Variants in CPNE8 observed in about 807,000 individuals in gnomAD.
The protein encoded by CPNE8 is copine-8.
Under a neutral mutation model 81.5 loss-of-function variants are expected in CPNE8, and 45 were observed. The observed-to-expected ratio is 0.55, with a 90% CI of 0.44 to 0.71. The LOEUF (loss-of-function observed/expected upper bound fraction) is 0.71. Among genes scored for constraint, CPNE8 ranks in the 30% least tolerant of loss-of-function variants. The probability of loss-of-function intolerance (pLI) is 0.00; values close to 1 mark genes in which losing one functional copy is unlikely to be tolerated. For missense variants in CPNE8, 594 were observed against 672.1 expected, an observed-to-expected ratio of 0.88 and a Z score of 1.28; for synonymous variants, 252 against 226.3, an observed-to-expected ratio of 1.11 and a Z score of -1.02.
chr12:38,863,393 A>G (rs1446867727), intron 3 of CPNE8, among the ~76,000 whole-genome samples: 2 of 152,252 alleles, frequency 1.3e-5, no homozygotes, highest in Admixed American at 1.3e-4. Flanking sequence ...TTTGTCAGAC[A>G]TTTAACTAAA....
At chr12:38,765,937 C>A (rs1592070617) in intron 8 of CPNE8, among the ~76,000 whole-genome samples, 1 of 152,008 alleles carries the variant, frequency 6.6e-6, no homozygotes, top group Non-Finnish European at 1.5e-5. Context: ...TGGCTCACTG[C>A]AACCTCCGCC....
intron 3 of CPNE8, among the ~76,000 whole-genome samples, chr12:38,857,390 T>C (rs1943758793): frequency 6.6e-6 from 1 of 152,214 alleles, no homozygotes. Flanking sequence ...AGGATGGGAC[T>C]TTCACTTCCA....
At chr12:38,708,835 C>T (rs1349723967) in intron 13 of CPNE8, among the ~76,000 whole-genome samples, 1 of 152,150 alleles carries the variant, frequency 6.6e-6, no homozygotes, top group Non-Finnish European at 1.5e-5. Context: ...CATGTGTTTT[C>T]TACAGCTGTT....
At chr12:38,688,626 C>T (rs879724937) in intron 15 of CPNE8, among the ~76,000 whole-genome samples, 2 of 145,554 alleles carry the variant, frequency 1.4e-5, no homozygotes, top group Non-Finnish European at 3.0e-5. Context: ...TGTGTGTATA[C>T]TACAATTCTA....
chr12:38,848,273 A>T (rs951566794), intron 4 of CPNE8, among the ~76,000 whole-genome samples: 1 of 152,168 alleles, frequency 6.6e-6, no homozygotes, highest in African/African-American at 2.4e-5. Context: ...ATAACTTTGG[A>T]GTATACATAG....
At chr12:38,786,956 C>T (rs936157226) in intron 6 of CPNE8, among the ~76,000 whole-genome samples, 1 of 152,056 alleles carries the variant, frequency 6.6e-6, no homozygotes, top group African/African-American at 2.4e-5. Context: ...AGATATATAA[C>T]ACAAATATTA....
chr12:38,776,201 T>C (rs1941931879), intron 7 of CPNE8, 37 bp downstream of exon 7: 2 of 1,093,874 alleles, frequency 1.8e-6, no homozygotes, highest in Non-Finnish European at 2.7e-6. Flanking sequence ...ATTTGAAGTA[T>C]GGAAGTATTT....
intron 19 of CPNE8, among the ~76,000 whole-genome samples, chr12:38,662,289 A>G (rs777722765): frequency 1.3e-5 from 2 of 152,162 alleles, no homozygotes; most frequent in Non-Finnish European, 2.9e-5. Context: ...GTCGGAACTA[A>G]TAAGTGAATT....
At chr12:38,740,112 A>G (rs1406041793) in intron 10 of CPNE8, among the ~76,000 whole-genome samples, 3 of 152,202 alleles carry the variant, frequency 2.0e-5, no homozygotes, top group Non-Finnish European at 4.4e-5. Context: ...ATAAATCTTC[A>G]CATCCCTTGT....
At position 38,905,435 on chromosome 12, in the gene CPNE8, A is replaced by C; in HGVS notation, c.98+2T>G. Reference sequence around the variant, plus strand: ...GAGAGAGGGGAAGGGCTGCGTCCTCACCTGCAGGACACGGACACCTCCACC... The same window carrying C: ...GAGAGAGGGGAAGGGCTGCGTCCTCCCCTGCAGGACACGGACACCTCCACC... On this transcript the variant is annotated splice_donor_variant, in intron 1 of 19. Coordinates refer to ENST00000331366, the MANE Select transcript of CPNE8 (RefSeq NM_153634.3). LOFTEE classifies it high-confidence loss of function. 1 of 1,559,854 alleles carries C rather than the reference A, an allele frequency of 6.4e-7. No homozygotes were observed. Among genetic ancestry groups the C allele is most frequent in the Non-Finnish European group, 8.7e-7 (1 of 1,152,292 alleles).
intron 1 of CPNE8, among the ~76,000 whole-genome samples, chr12:38,882,242 C>G (rs552126151): frequency 1.3e-5 from 2 of 152,214 alleles, no homozygotes; most frequent in Non-Finnish European, 2.9e-5. Flanking sequence ...TTGACACTTA[C>G]AGAAGAGACA....
intron 19 of CPNE8, among the ~76,000 whole-genome samples, chr12:38,669,302 C>T (rs1939123742): frequency 6.6e-6 from 1 of 151,930 alleles, no homozygotes; most frequent in East Asian, 1.9e-4. Context: ...TATTTTTGAT[C>T]TTTATCAATG....
intron 3 of CPNE8, among the ~76,000 whole-genome samples, chr12:38,851,943 A>G (rs568365173): frequency 6.6e-6 from 1 of 151,994 alleles, no homozygotes; most frequent in East Asian, 1.9e-4. Context: ...TGCACCTGCT[A>G]TTTCCTCTTA....
intron 16 of CPNE8, among the ~76,000 whole-genome samples, chr12:38,680,035 G>C (rs78447794): frequency 0.047 from 7,113 of 151,802 alleles, 395 homozygotes; most frequent in East Asian, 0.32. Context: ...CTAAAAGCCA[G>C]CTGTCTTTTT....
rs192263639 is a variant in CPNE8, at chr12:38,756,171, G to A, written c.722+4676C>T. On this transcript the variant is annotated intron_variant, in intron 10 of 19. Transcript: ENST00000331366. ...TTTTGTATGCTTCATAGATTTGTGA[G>A]GTGCTTCTTATAGAATTAATTTCAG... Among the ~76,000 whole-genome samples, 19 of 152,100 alleles carry A rather than the reference G, an allele frequency of 1.2e-4. No homozygotes were observed. The East Asian group carries it at 3.5e-3, about 28-fold the overall frequency.
rs184926512 is a variant in CPNE8, at chr12:38,763,637, C to T, written c.576-1421G>A. Among the ~76,000 whole-genome samples, 14 of 152,344 alleles carry T rather than the reference C, an allele frequency of 9.2e-5. No homozygotes were observed. The East Asian group carries it at 2.5e-3, about 27-fold the overall frequency. ...GGTTTTCTGATTCAAATTCCAGTGTCATTTCCACAAAACTATTCAATCTTA... is the reference window on the plus strand; with the variant it reads ...GGTTTTCTGATTCAAATTCCAGTGTTATTTCCACAAAACTATTCAATCTTA... On this transcript the variant is annotated intron_variant, in intron 8 of 19. Transcript: ENST00000331366.
At chr12:38,826,036 GGTTTT>G (rs1479989842) in intron 6 of CPNE8, among the ~76,000 whole-genome samples, 1 of 152,012 alleles carries the variant, frequency 6.6e-6, no homozygotes, top group Non-Finnish European at 1.5e-5. Flanking sequence ...CAATTCCTAA[GGTTTT>G]GTTTCTTTGC....
intron 18 of CPNE8, among the ~76,000 whole-genome samples, chr12:38,672,880 G>A (rs1304419121): frequency 6.6e-6 from 1 of 152,080 alleles, no homozygotes; most frequent in East Asian, 1.9e-4. Context: ...CTTGCCCATG[G>A]AAACAATGTC....
chr12:38,895,808 C>T (rs1014863649), intron 1 of CPNE8, among the ~76,000 whole-genome samples: 12 of 151,946 alleles, frequency 7.9e-5, no homozygotes, highest in Non-Finnish European at 2.9e-5. Context: ...CTCTTCAAGC[C>T]GACAATAAAG....
Sources: gnomAD v4.1 joint callset for allele counts (sites outside exome capture counted in the v4.1 genomes callset) on GRCh38, gnomAD v4.1.1 for gene constraint, MANE v1.5 for transcripts, NCBI Gene and HGNC (gene_info 2026-07-23, HGNC 2026-07-21) for gene names.